BSN: variants seen among roughly 807,000 people sequenced by gnomAD.
The protein encoded by BSN is bassoon presynaptic cytomatrix protein.
BSN carries 57 observed loss-of-function variants against 264.8 expected under a neutral mutation model. That is an observed-to-expected ratio of 0.22 (90% CI 0.17 to 0.27). The LOEUF is 0.27. Ranked by LOEUF, BSN falls within the 10% of genes least tolerant of loss-of-function variation. The pLI is 1.00. For synonymous variants in BSN, 2,059 were observed against 2,137.3 expected (o/e 0.96, Z 1.01); for missense variants, 4,615 against 5,232.5 (o/e 0.88, Z 3.64).
intron 1 of BSN, among the ~76,000 whole-genome samples, chr3:49,578,622 G>GACA (rs1379294503): frequency 1.5e-5 from 2 of 134,444 alleles, no homozygotes; most frequent in African/African-American, 2.6e-5. Flanking sequence ...TTAGCCATGT[G>GACA]GTCTCAATCT....
rs1455526196 is a variant in BSN at position 49,660,345 on chromosome 3, C to T, written c.8641-141C>T. The T allele has an allele frequency of 7.4e-6, 11 of 1,488,492 alleles. No individual in the cohort carries two copies. The African/African-American group carries it at 1.5e-4, about 21-fold the overall frequency. 92.2% of individuals were successfully genotyped at this position (1,488,492 alleles called of 1,614,324 possible). On this transcript the variant is annotated intron_variant, in intron 5 of 11. Coordinates refer to ENST00000296452, the MANE Select transcript of BSN (RefSeq NM_003458.4). This position sits in a 1 kb window ranked among gnomAD's most constrained non-coding sequence, Gnocchi z 7.1. ...GCCTATGGGTGGGCAGGGTAGGCCT[C>T]CAGGCTGCCTGGTAAATCAGGGCAC...
chr3:49,576,069 G>A (rs1190273714), intron 1 of BSN, among the ~76,000 whole-genome samples: 2 of 152,108 alleles, frequency 1.3e-5, no homozygotes, highest in Non-Finnish European at 2.9e-5. Flanking sequence ...GATAACTTTT[G>A]TAAGAGACAA....
intron 1 of BSN, among the ~76,000 whole-genome samples, chr3:49,619,348 G>C (rs561352342): frequency 6.6e-6 from 1 of 152,302 alleles, no homozygotes; most frequent in South Asian, 2.1e-4. Flanking sequence ...TTCCCAGGGA[G>C]CTTCCACGTA....
At position 49,653,373 on chromosome 3, in the gene BSN, G is replaced by T. The variant is rs376526825; in HGVS notation, c.3817G>T (p.Ala1273Ser). 442 of 1,613,460 alleles carry T rather than the reference G, an allele frequency of 2.7e-4. No homozygotes were observed. Among genetic ancestry groups the T allele is most frequent in the Non-Finnish European group, 3.6e-4 (429 of 1,179,900 alleles). The change falls in exon 5 of 12, where the codon GCC becomes TCC. Residue 1273 changes from alanine to serine, a missense_variant. This residue lies in a region of BSN where 3,415 missense variants were observed against 3,866.4 expected (regional missense o/e 0.88). Coordinates refer to ENST00000296452, the MANE Select transcript of BSN (RefSeq NM_003458.4). The surrounding 1 kb of genome is among the most constrained non-coding windows in gnomAD (Gnocchi z 6.3). ...ACAGAGCATAGTCCGCATGCGGCAG[G>T]CCTCCTCACGAGACCTGGCTTTTGC... ...TSQSIVRMRQ[A>S]SSRDLAFAED...
rs2108080553 is a variant in BSN at position 49,651,669 on chromosome 3, G to A, written c.2113G>A (p.Val705Met). 1.2e-6 allele frequency: 2 copies of A among 1,614,132 alleles called. No homozygotes were observed. Among genetic ancestry groups the A allele is most frequent in the East Asian group, 4.5e-5 (2 of 44,880 alleles). Residue 705 changes from valine to methionine, a missense_variant, in exon 5 of 12, where the codon GTG becomes ATG. Around this residue, in one of 3 missense-constraint regions of BSN, gnomAD observed 1,197 missense variants for 1,348.0 expected, o/e 0.89. Transcript: ENST00000296452. The surrounding 1 kb of genome is among the most constrained non-coding windows in gnomAD (Gnocchi z 5.4). ...SEITGVVQQE[V>M]EQLDSAGVTG... is the part of the protein sequence containing the mutation. ...GATCACAGGAGTCGTGCAGCAGGAG[G>A]TGGAACAGCTGGACAGTGCAGGGGT...
chr3:49,570,402 T>C (rs76263960), intron 1 of BSN, among the ~76,000 whole-genome samples: 4 of 152,168 alleles, frequency 2.6e-5, no homozygotes, highest in African/African-American at 7.2e-5. Flanking sequence ...CCCAGCTTTA[T>C]TAGGGTGAGT....
intron 3 of BSN, among the ~76,000 whole-genome samples, chr3:49,649,597 T>G (rs930488299): frequency 6.6e-6 from 1 of 152,234 alleles, no homozygotes; most frequent in Non-Finnish European, 1.5e-5. Context: ...GCCTCAGAGA[T>G]GCCCAAACCC....
At chr3:49,557,036 T>C (rs1032492694) in intron 1 of BSN, among the ~76,000 whole-genome samples, 1 of 152,150 alleles carries the variant, frequency 6.6e-6, no homozygotes, top group Non-Finnish European at 1.5e-5. Context: ...CTGAGCTGAG[T>C]TGGACTCTGT....
intron 1 of BSN, among the ~76,000 whole-genome samples, chr3:49,575,803 C>T (rs1363352266): frequency 2.0e-5 from 3 of 151,688 alleles, no homozygotes; most frequent in African/African-American, 4.8e-5. Flanking sequence ...ACTTCCACTG[C>T]CCCTTCCTTT....
chr3:49,624,094 G>A (rs1471394479), intron 1 of BSN, among the ~76,000 whole-genome samples: 4 of 151,816 alleles, frequency 2.6e-5, no homozygotes, highest in Non-Finnish European at 4.4e-5. Context: ...TCCACCTCCC[G>A]GGTTCACGCC....
rs2052730783 is a variant in BSN at position 49,668,757 on chromosome 3, A to C, written c.*1272A>C. ...GTGGCACTGTCTATCCATCCGGTGG[A>C]CTGGGCAGCATTCCTCCCCAGGGCT... On this transcript the variant is annotated 3_prime_UTR_variant, in exon 12 of 12. Coordinates refer to ENST00000296452, the MANE Select transcript of BSN (RefSeq NM_003458.4). 6.6e-6 allele frequency: 1 copy of C among 152,630 alleles called. No homozygotes were observed. The highest frequency in any genetic ancestry group is 1.5e-5 in the Non-Finnish European group (1 of 68,040). 9.5% of individuals were successfully genotyped at this position (152,630 alleles called of 1,614,324 possible). A position where few individuals can be genotyped will look rare whatever the true frequency, so the allele number is the denominator to read the frequency against.
chr3:49,575,014 C>G (rs893831357), intron 1 of BSN, among the ~76,000 whole-genome samples: 1 of 152,042 alleles, frequency 6.6e-6, no homozygotes, highest in African/African-American at 2.4e-5. Context: ...TGATGAGACT[C>G]TTCTGGAATT....
rs1316746675 is a variant in BSN, at chr3:49,657,891, C to A, written c.8335C>A (p.Leu2779Ile). ...GYQAHLPPES[L>I]SQLVSRQPPK... Reference sequence around the variant, plus strand: ...CCAGGCCCACCTGCCTCCGGAGTCTCTCTCACAGCTTGTGAGCCGCCAGCC... The same window carrying A: ...CCAGGCCCACCTGCCTCCGGAGTCTATCTCACAGCTTGTGAGCCGCCAGCC... The change falls in exon 5 of 12, where the codon CTC becomes ATC. Residue 2779 changes from leucine (L) to isoleucine (I), a missense_variant. Transcript: ENST00000296452. The A allele has an allele frequency of 6.2e-7, 1 of 1,613,808 alleles. No individual in the cohort carries two copies. The highest frequency in any genetic ancestry group is 1.7e-5 in the Admixed American group (1 of 60,002).
chr3:49,596,311 G>C (rs1264874954), intron 1 of BSN, among the ~76,000 whole-genome samples: 1 of 152,158 alleles, frequency 6.6e-6, no homozygotes, highest in African/African-American at 2.4e-5. Flanking sequence ...GGCTGAGGCA[G>C]GAGAATGGCG....
intron 2 of BSN, among the ~76,000 whole-genome samples, chr3:49,627,142 G>T (rs2052347312): frequency 6.6e-6 from 1 of 152,234 alleles, no homozygotes; most frequent in Admixed American, 6.5e-5. Context: ...TGCTGGGCTG[G>T]ACAAATGAAA....
rs773534381 is a variant in BSN at position 49,652,264 on chromosome 3, C to T, written c.2708C>T (p.Thr903Met). 1.5e-5 allele frequency: 24 copies of T among 1,602,508 alleles called. No homozygotes were observed. In the South Asian group the frequency reaches 1.8e-4, roughly 12 times the overall value. The change falls in exon 5 of 12, where the codon ACG (threonine) becomes ATG (methionine). Residue 903 changes from threonine (T) to methionine (M), a missense_variant. By Grantham distance (81) the Thr-to-Met change is moderately conservative (BLOSUM62 -1). Coordinates refer to ENST00000296452, the MANE Select transcript of BSN (RefSeq NM_003458.4). ...PKRRLPHNAT[T>M]GYEELLPEGG... ...AGGCGCCTGCCCCACAATGCCACCA[C>T]GGGCTATGAGGAGCTGCTCCCTGAG...
At position 49,554,639 on chromosome 3, in the gene BSN, G is replaced by A. The variant is rs933631246; in HGVS notation, c.37G>A (p.Asp13Asn). The A allele has an allele frequency of 4.1e-6, 4 of 983,576 alleles. No homozygotes were observed. Among genetic ancestry groups the A allele is most frequent in the Non-Finnish European group, 4.8e-6 (4 of 830,152 alleles). 60.9% of individuals were successfully genotyped at this position (983,576 alleles called of 1,614,324 possible). A position where few individuals can be genotyped will look rare whatever the true frequency, so the allele number is the denominator to read the frequency against. ...GGTCAGCCTGGAGGGCGGCGCTGGC[G>A]ACGGGCCGCTGCCGCCCGGCGGCGC... ...NEVSLEGGAG[D>N]GPLPPGGAGP... is the part of the protein sequence containing the mutation. Residue 13 changes from aspartate to asparagine, a missense_variant, in exon 1 of 12, where the codon GAC becomes AAC. Asp to Asn is a conservative substitution (Grantham distance 23). Transcript: ENST00000296452.
intron 1 of BSN, among the ~76,000 whole-genome samples, chr3:49,616,277 C>G (rs2052258859): frequency 2.0e-5 from 3 of 152,216 alleles, no homozygotes; most frequent in African/African-American, 7.2e-5. Context: ...GACCTGGCCC[C>G]AGCACCCACT....
At chr3:49,607,303 A>G (rs1265186051) in intron 1 of BSN, among the ~76,000 whole-genome samples, 2 of 152,188 alleles carry the variant, frequency 1.3e-5, no homozygotes, top group African/African-American at 2.4e-5. Flanking sequence ...CTCAGTGCCT[A>G]CTGGGCATTT....
Sources: gnomAD v4.1 joint callset for allele counts (sites outside exome capture counted in the v4.1 genomes callset) on GRCh38, gnomAD v4.1.1 for gene constraint, gnomAD v4.1.1 regional missense constraint, Gnocchi (gnomAD v3.1) non-coding constraint, MANE v1.5 for transcripts, NCBI Gene and HGNC (gene_info 2026-07-23, HGNC 2026-07-21) for gene names.